Variants in ZNF710 observed in about 807,000 individuals in gnomAD.
ZNF710 encodes the protein zinc finger protein 710.
ZNF710 carries 13 observed loss-of-function variants against 50.6 expected under a neutral mutation model. The observed-to-expected ratio is 0.26, with a 90% CI of 0.17 to 0.41. The LOEUF is 0.41. ZNF710 is among the 10% of genes least tolerant of loss of function. The pLI is 1.00. For synonymous variants in ZNF710, 383 were observed against 397.0 expected (o/e 0.96, Z 0.42); for missense variants, 721 against 936.6 (o/e 0.77, Z 3.01).
intron 1 of ZNF710, among the ~76,000 whole-genome samples, chr15:90,026,889 A>G (rs1234363777): frequency 2.0e-5 from 3 of 152,236 alleles, no homozygotes; most frequent in Non-Finnish European, 2.9e-5. Flanking sequence ...ATAATAAAAA[A>G]TATTTCAAAC....
intron 2 of ZNF710, among the ~76,000 whole-genome samples, chr15:90,070,868 C>T (rs1385488730): frequency 6.6e-6 from 1 of 152,022 alleles, no homozygotes; most frequent in African/African-American, 2.4e-5. Flanking sequence ...GCAATAAAAC[C>T]CTATGATGGA....
chr15:90,053,797 C>T (rs1489371566), intron 1 of ZNF710, among the ~76,000 whole-genome samples: 2 of 152,138 alleles, frequency 1.3e-5, no homozygotes, highest in African/African-American at 4.8e-5. Context: ...TGCCTCCTCC[C>T]AGGGAGCCCC....
intron 1 of ZNF710, among the ~76,000 whole-genome samples, chr15:90,057,275 C>T (rs1899848531): frequency 6.6e-6 from 1 of 152,050 alleles, no homozygotes; most frequent in Non-Finnish European, 1.5e-5. Flanking sequence ...CTTGGAGGCC[C>T]AGGGCTGGAA....
Position 90,005,683 on chromosome 15 carries a change from C to T in ZNF710, c.-29+4069C>T, listed in dbSNP as rs551968682. On this transcript the variant is annotated intron_variant, in intron 1 of 4. Transcript: ENST00000268154. ...CAGGATGGTCTCGATCTCTTCACCT[C>T]GTGATCTGCCCGCCTCGGCCTCCCA... Among the ~76,000 whole-genome samples, 25 of 152,320 alleles carry T rather than the reference C, an allele frequency of 1.6e-4. No individual in the cohort carries two copies. The South Asian group carries it at 4.6e-3, about 28-fold the overall frequency.
rs1347456999 is a variant in ZNF710, at chr15:90,079,649, C to T, written c.1826-11C>T. ...ATGGCAGCCAGGTCTGACTGTGCCC[C>T]TCTCTTACAGACCCCATGATGGAGC... On this transcript the variant is annotated splice_polypyrimidine_tract_variant and intron_variant, in intron 4 of 4. Coordinates refer to ENST00000268154, the MANE Select transcript of ZNF710 (RefSeq NM_198526.4). The T allele has an allele frequency of 6.2e-7, 1 of 1,610,048 alleles. No homozygotes were observed. Among genetic ancestry groups the T allele is most frequent in the African/African-American group, 1.3e-5 (1 of 74,688 alleles).
At chr15:90,046,715 C>T (rs896644110) in intron 1 of ZNF710, among the ~76,000 whole-genome samples, 2 of 152,106 alleles carry the variant, frequency 1.3e-5, no homozygotes, top group Non-Finnish European at 2.9e-5. Flanking sequence ...GTGCTAACAC[C>T]CACTTCCCAG....
At chr15:90,029,361 G>A (rs1898865737) in intron 1 of ZNF710, among the ~76,000 whole-genome samples, 1 of 152,144 alleles carries the variant, frequency 6.6e-6, no homozygotes, top group South Asian at 2.1e-4. Context: ...AGGTGTAGGG[G>A]CCCTTCTGGC....
chr15:90,028,196 A>G (rs1898834306), intron 1 of ZNF710, among the ~76,000 whole-genome samples: 1 of 152,222 alleles, frequency 6.6e-6, no homozygotes, highest in Non-Finnish European at 1.5e-5. Flanking sequence ...GATATAATAG[A>G]TGTTAACATT....
intron 1 of ZNF710, among the ~76,000 whole-genome samples, chr15:90,014,466 C>T (rs952858142): frequency 2.7e-5 from 4 of 149,912 alleles, no homozygotes; most frequent in South Asian, 2.1e-4. Context: ...CAGTTGTACC[C>T]GGGAGTTTGA....
chr15:90,018,534 TA>T (rs1168937144), intron 1 of ZNF710, among the ~76,000 whole-genome samples: 16 of 152,240 alleles, frequency 1.1e-4, no homozygotes, highest in Non-Finnish European at 2.4e-4. Context: ...AATCTCAGAT[TA>T]AGAACTGGCC....
intron 1 of ZNF710, among the ~76,000 whole-genome samples, chr15:90,036,122 C>T (rs1485374629): frequency 6.6e-6 from 1 of 152,140 alleles, no homozygotes; most frequent in East Asian, 1.9e-4. Flanking sequence ...GCAAGCACTT[C>T]ACCTTCTCCT....
chr15:90,075,254 C>T (rs778204067), intron 4 of ZNF710: 1 of 152,456 alleles, frequency 6.6e-6, no homozygotes, highest in Non-Finnish European at 1.5e-5. Flanking sequence ...GGCATGATGG[C>T]TCACACCTAT....
At chr15:90,028,664 A>G (rs1472981138) in intron 1 of ZNF710, among the ~76,000 whole-genome samples, 3 of 152,172 alleles carry the variant, frequency 2.0e-5, no homozygotes, top group African/African-American at 7.2e-5. Context: ...TCTTCCCTTT[A>G]TCTTCTCTGT....
chr15:90,017,981 C>G (rs554515203), intron 1 of ZNF710, among the ~76,000 whole-genome samples: 2 of 151,926 alleles, frequency 1.3e-5, no homozygotes, highest in East Asian at 3.9e-4. Flanking sequence ...CAAAGGCTAG[C>G]TTCTCACTCA....
chr15:90,003,536 A>G (rs1898067722), intron 1 of ZNF710, among the ~76,000 whole-genome samples: 1 of 152,058 alleles, frequency 6.6e-6, no homozygotes, highest in Non-Finnish European at 1.5e-5. Flanking sequence ...TTGCATCTTC[A>G]CCAGGGGGCC....
intron 1 of ZNF710, among the ~76,000 whole-genome samples, chr15:90,048,769 C>T (rs1899546537): frequency 6.6e-6 from 1 of 152,200 alleles, no homozygotes; most frequent in East Asian, 1.9e-4. Flanking sequence ...TGTGACGAGA[C>T]TTCTAGAAGC....
At chr15:90,024,748 C>A (rs1035765868) in intron 1 of ZNF710, among the ~76,000 whole-genome samples, 2 of 152,216 alleles carry the variant, frequency 1.3e-5, no homozygotes, top group African/African-American at 4.8e-5. Context: ...GTAGGTCTCC[C>A]TGCTAGATCA....
chr15:90,025,328 C>G (rs1488723426), intron 1 of ZNF710: 3 of 152,170 alleles, frequency 2.0e-5, no homozygotes, highest in Non-Finnish European at 4.4e-5. Context: ...ACTGTTCTAA[C>G]AGCAGAGCAT....
chr15:90,053,782 T>C (rs973166540), intron 1 of ZNF710, among the ~76,000 whole-genome samples: 2 of 152,132 alleles, frequency 1.3e-5, no homozygotes. Context: ...CCAGGCTCTC[T>C]GGGATGCCTC....
Sources: allele counts gnomAD v4.1 joint callset (sites outside exome capture counted in the v4.1 genomes callset), GRCh38; gene constraint gnomAD v4.1.1; transcripts MANE v1.5; gene names NCBI Gene and HGNC (gene_info 2026-07-23, HGNC 2026-07-21).